Variants in ST7 observed in about 807,000 individuals in gnomAD.
ST7 encodes the protein suppression of tumorigenicity 7.
In ST7, 28 loss-of-function variants were observed where a neutral mutation model predicts 78.7. The ratio of observed to expected loss-of-function variants is 0.36; its 90% confidence interval spans 0.26 to 0.49. ST7 has a LOEUF of 0.49. Among genes scored for constraint, ST7 ranks in the 20% least tolerant of loss-of-function variants. ST7 has a pLI of 0.99. For missense variants in ST7, 418 were observed against 696.0 expected (o/e 0.60, Z 4.49); for synonymous variants, 247 against 249.6 (o/e 0.99, Z 0.10).
intron 12 of ST7, among the ~76,000 whole-genome samples, chr7:117,195,402 A>G (rs185506963): frequency 6.6e-6 from 1 of 152,254 alleles, no homozygotes; most frequent in Non-Finnish European, 1.5e-5. Context: ...GTAATATGAG[A>G]TCTACCCTCT....
intron 1 of ST7, chr7:116,958,739 C>T (rs1028706589): frequency 2.1e-6 from 1 of 468,846 alleles, no homozygotes; most frequent in African/African-American, 2.0e-5. Context: ...TATAGTCACA[C>T]TATATTGTAT....
At chr7:116,991,062 C>T (rs1431793497) in intron 1 of ST7, among the ~76,000 whole-genome samples, 7 of 152,182 alleles carry the variant, frequency 4.6e-5, no homozygotes, top group African/African-American at 9.7e-5. Flanking sequence ...AAGGTTTGTT[C>T]GTTCTCGTTG....
intron 9 of ST7, among the ~76,000 whole-genome samples, chr7:117,144,465 CAA>C (rs755607145): frequency 1.9e-4 from 24 of 123,356 alleles, no homozygotes; most frequent in Admixed American, 3.3e-4. Flanking sequence ...CCATCTCTAC[CAA>C]AAAAAAAAAA....
intron 3 of ST7, among the ~76,000 whole-genome samples, chr7:117,122,192 A>G (rs1259043984): frequency 3.3e-5 from 5 of 152,172 alleles, no homozygotes; most frequent in African/African-American, 1.2e-4. Flanking sequence ...GAGAAATAAA[A>G]ATTGGCTTCA....
chr7:117,128,408 C>A (rs1804049045), intron 3 of ST7: 1 of 151,666 alleles, frequency 6.6e-6, no homozygotes, highest in Admixed American at 6.6e-5. Context: ...GAAGTGACAG[C>A]CATCAAATCT....
At chr7:117,227,322 A>G (rs1187723415) in intron 15 of ST7, among the ~76,000 whole-genome samples, 1 of 152,146 alleles carries the variant, frequency 6.6e-6, no homozygotes, top group African/African-American at 2.4e-5. Context: ...CTCAACCACA[A>G]CTTCAACAGT....
At chr7:117,181,659 G>C (rs1808780252) in intron 10 of ST7, among the ~76,000 whole-genome samples, 2 of 152,076 alleles carry the variant, frequency 1.3e-5, no homozygotes, top group African/African-American at 4.8e-5. Flanking sequence ...TTAAAAGAAT[G>C]TATCAAGTCA....
At chr7:117,013,781 C>T (rs1584450620) in intron 1 of ST7, among the ~76,000 whole-genome samples, 1 of 152,046 alleles carries the variant, frequency 6.6e-6, no homozygotes, top group African/African-American at 2.4e-5. Context: ...TGCAGTGAGG[C>T]GAGATCACGC....
chr7:116,976,154 A>G lies in ST7; in HGVS notation c.151+22463A>G, dbSNP rs1793695566. ...GTGGCAGGAGCCTGCAATCTCAGCT[A>G]CTTGGGAGGCTGAGGGAGAGAATTG... is the stretch of plus-strand genomic sequence containing the variant. On this transcript the variant is annotated intron_variant, in intron 1 of 15. Transcript: ENST00000323984. 2.6e-5 allele frequency among the ~76,000 whole-genome samples: 4 copies of G among 152,096 alleles called. No individual in the cohort carries two copies. The South Asian group carries it at 8.3e-4, about 32-fold the overall frequency.
intron 1 of ST7, among the ~76,000 whole-genome samples, chr7:117,098,033 A>G (rs1801256191): frequency 6.7e-6 from 1 of 148,230 alleles, no homozygotes; most frequent in African/African-American, 2.5e-5. Context: ...CGGAAGTTCC[A>G]GGTCCATTTA....
chr7:117,097,891 TATATATA>T (rs1563078745), intron 1 of ST7, among the ~76,000 whole-genome samples: 2 of 21,308 alleles, frequency 9.4e-5, no homozygotes, highest in Non-Finnish European at 1.9e-4. Flanking sequence ...TATATATATA[TATATATA>T]TATATATATA....
At chr7:117,045,064 T>C (rs1398565551) in intron 1 of ST7, among the ~76,000 whole-genome samples, 1 of 152,192 alleles carries the variant, frequency 6.6e-6, no homozygotes, top group Non-Finnish European at 1.5e-5. Flanking sequence ...GCACTGCCAG[T>C]AAGTGTTGTT....
At chr7:116,992,052 C>T (rs901305525) in intron 1 of ST7, among the ~76,000 whole-genome samples, 1 of 152,170 alleles carries the variant, frequency 6.6e-6, no homozygotes, top group Non-Finnish European at 1.5e-5. Context: ...CAGCTCTGCC[C>T]CCATGGCTTT....
At chr7:117,209,959 A>C in intron 13 of ST7, 22 bp downstream of exon 13, 1 of 1,601,550 alleles carries the variant, frequency 6.2e-7, no homozygotes. Context: ...TCTTTTTTTG[A>C]AACATTTTTA....
At chr7:117,077,553 A>G (rs1005067921) in intron 1 of ST7, among the ~76,000 whole-genome samples, 30 of 152,248 alleles carry the variant, frequency 2.0e-4, no homozygotes, top group African/African-American at 6.5e-4. Flanking sequence ...AACCAGAGAA[A>G]GAGTCACATT....
At chr7:117,212,496 G>A (rs1366260588) in intron 13 of ST7, among the ~76,000 whole-genome samples, 1 of 152,156 alleles carries the variant, frequency 6.6e-6, no homozygotes, top group Admixed American at 6.5e-5. Flanking sequence ...TATTACACCT[G>A]ATCTCTCTAT....
intron 9 of ST7, among the ~76,000 whole-genome samples, chr7:117,151,631 T>C (rs1806254527): frequency 6.6e-6 from 1 of 152,230 alleles, no homozygotes; most frequent in Non-Finnish European, 1.5e-5. Flanking sequence ...TTATTGTCTG[T>C]ATTCCCCACC....
intron 1 of ST7, among the ~76,000 whole-genome samples, chr7:117,084,480 G>T (rs1240207168): frequency 6.6e-6 from 1 of 152,124 alleles, no homozygotes; most frequent in Non-Finnish European, 1.5e-5. Flanking sequence ...AGTGTAAGAA[G>T]CCCTTAGAAC....
At chr7:117,202,466 G>T (rs2115913767) in intron 12 of ST7, among the ~76,000 whole-genome samples, 1 of 152,140 alleles carries the variant, frequency 6.6e-6, no homozygotes, top group African/African-American at 2.4e-5. Flanking sequence ...TCCTCCTTTG[G>T]TGTCTTTACC....
Sources: gnomAD v4.1 joint callset for allele counts (sites outside exome capture counted in the v4.1 genomes callset) on GRCh38, gnomAD v4.1.1 for gene constraint, MANE v1.5 for transcripts, NCBI Gene and HGNC (gene_info 2026-07-23, HGNC 2026-07-21) for gene names.